The following PLAAT3 variants were observed in gnomAD, a reference collection of about 807,000 sequenced individuals.
PLAAT3 encodes the protein Ca-independent phospholipase A1/2.
Under a neutral mutation model 16.7 loss-of-function variants are expected in PLAAT3, and 21 were observed. The observed-to-expected ratio is 1.26, with a 90% CI of 0.89 to 1.81. PLAAT3 has a LOEUF of 1.81. PLAAT3 is among the 40% of genes most tolerant of loss of function. The probability of loss-of-function intolerance (pLI) is 0.00; values close to 1 mark genes in which losing one functional copy is unlikely to be tolerated. For missense variants in PLAAT3, 219 were observed against 213.7 expected, an observed-to-expected ratio of 1.02 and a Z score of -0.16; for synonymous variants, 76 against 81.7, an observed-to-expected ratio of 0.93 and a Z score of 0.38.
intron 2 of PLAAT3, among the ~76,000 whole-genome samples, chr11:63,606,800 A>G (rs1382359939): frequency 2.0e-5 from 3 of 152,194 alleles, no homozygotes; most frequent in Non-Finnish European, 4.4e-5. Flanking sequence ...GCGGGGGTAG[A>G]ACGGAGGGTC....
At chr11:63,587,584 TCA>T (rs1417755453) in intron 4 of PLAAT3, among the ~76,000 whole-genome samples, 1 of 149,746 alleles carries the variant, frequency 6.7e-6, no homozygotes, top group Non-Finnish European at 1.5e-5. Flanking sequence ...TGACCAAGTC[TCA>T]CTCTGTCACC....
At chr11:63,581,857 A>G (rs1937826610) in intron 4 of PLAAT3, among the ~76,000 whole-genome samples, 1 of 152,208 alleles carries the variant, frequency 6.6e-6, no homozygotes, top group African/African-American at 2.4e-5. Context: ...ATAGAAAAGA[A>G]CCTATGTTGA....
intron 3 of PLAAT3, among the ~76,000 whole-genome samples, chr11:63,594,848 T>G (rs1390234690): frequency 1.5e-4 from 14 of 91,684 alleles, no homozygotes; most frequent in Admixed American, 3.2e-4. Context: ...CAGAAGGAGG[T>G]GGGGAATTTG....
At chr11:63,587,146 G>A (rs1429682998) in intron 4 of PLAAT3, among the ~76,000 whole-genome samples, 2 of 152,154 alleles carry the variant, frequency 1.3e-5, no homozygotes, top group Non-Finnish European at 2.9e-5. Flanking sequence ...CAGCAAAGCA[G>A]TCTAGGGATC....
chr11:63,588,538 T>A (rs953206177), intron 4 of PLAAT3, among the ~76,000 whole-genome samples: 3 of 152,208 alleles, frequency 2.0e-5, no homozygotes, highest in African/African-American at 4.8e-5. Context: ...GTTCTTCTCA[T>A]GGCCCTGCCC....
intron 3 of PLAAT3, among the ~76,000 whole-genome samples, chr11:63,596,990 G>A (rs1190023693): frequency 6.6e-6 from 1 of 151,884 alleles, no homozygotes; most frequent in Non-Finnish European, 1.5e-5. Flanking sequence ...CAGCTACTCG[G>A]GAGGCTGAAA....
intron 2 of PLAAT3, among the ~76,000 whole-genome samples, chr11:63,600,941 A>G (rs1938411747): frequency 6.6e-6 from 1 of 151,794 alleles, no homozygotes; most frequent in Non-Finnish European, 1.5e-5. Context: ...CCATTCTGCA[A>G]TTACATGTGT....
At chr11:63,606,462 A>ACACACACACC (rs945885416) in intron 2 of PLAAT3, among the ~76,000 whole-genome samples, 8 of 136,566 alleles carry the variant, frequency 5.9e-5, no homozygotes, top group African/African-American at 1.5e-4. Flanking sequence ...ACACACACAC[A>ACACACACACC]CCTTAGTAAA....
At position 63,598,089 on chromosome 11, in the gene PLAAT3, A is replaced by G. The variant is rs746491288; in HGVS notation, c.90T>C (p.Asp30=). The G allele has an allele frequency of 1.9e-6, 3 of 1,613,442 alleles. No homozygotes were observed. The highest frequency in any genetic ancestry group is 2.2e-5 in the South Asian group (2 of 91,062). ...GAGGGGCCAGATGAACCACATATCC[A>G]TCGCCAACATAGATGGCCCAGTGTC... The part of the protein sequence containing the change: ...FYRHWAIYVG[D]GYVVHLAPPS... The change falls in exon 3 of 5, where the codon GAT becomes GAC. Residue 30 remains aspartate (D), a synonymous_variant. Coordinates refer to ENST00000415826, the MANE Select transcript of PLAAT3 (RefSeq NM_001128203.2).
chr11:63,604,978 C>T (rs1938519952), intron 2 of PLAAT3, among the ~76,000 whole-genome samples: 1 of 152,154 alleles, frequency 6.6e-6, no homozygotes, highest in Admixed American at 6.6e-5. Context: ...TGGGGCTAAG[C>T]GTGGTTTTTG....
chr11:63,581,839 T>TA (rs1937825823), intron 4 of PLAAT3, among the ~76,000 whole-genome samples: 1 of 152,196 alleles, frequency 6.6e-6, no homozygotes, highest in Non-Finnish European at 1.5e-5. Context: ...GGCCAACACT[T>TA]ACGGAAAATA....
intron 2 of PLAAT3, among the ~76,000 whole-genome samples, chr11:63,604,329 A>G (rs1013239770): frequency 1.3e-5 from 2 of 152,148 alleles, no homozygotes; most frequent in African/African-American, 4.8e-5. Context: ...TACTTTGACA[A>G]TAAAAATGTT....
At chr11:63,593,083 T>G (rs904776460) in intron 3 of PLAAT3, among the ~76,000 whole-genome samples, 9 of 152,132 alleles carry the variant, frequency 5.9e-5, no homozygotes, top group Admixed American at 5.2e-4. Context: ...GTGCAGCCAA[T>G]CAATACTGAG....
intron 2 of PLAAT3, 102 bp downstream of exon 2, chr11:63,613,898 G>C: frequency 1.3e-6 from 1 of 744,500 alleles, no homozygotes; most frequent in Non-Finnish European, 2.3e-6. Context: ...CCACATCCTC[G>C]AGGCTCCTCT....
intron 3 of PLAAT3, among the ~76,000 whole-genome samples, chr11:63,593,726 C>T (rs550329687): frequency 8.5e-5 from 13 of 152,120 alleles, no homozygotes; most frequent in Admixed American, 2.0e-4. Context: ...ACTACAGTGG[C>T]GCGTCACCAT....
At chr11:63,615,068 G>GTGTA (rs1207959629), upstream of PLAAT3, among the ~76,000 whole-genome samples, 1 of 30,266 alleles carries the variant, frequency 3.3e-5, no homozygotes, top group African/African-American at 6.5e-5. Flanking sequence ...ATATATGTGT[G>GTGTA]TATATATGTG....
At chr11:63,598,223 C>T in intron 2 of PLAAT3, 60 bp from the exon 3 acceptor site, 1 of 1,175,910 alleles carries the variant, frequency 8.5e-7, no homozygotes, top group Non-Finnish European at 1.3e-6. Context: ...CAGGACAGGG[C>T]TCAGTGAGGA....
At chr11:63,615,226 A>ATG (rs60258582), upstream of PLAAT3, among the ~76,000 whole-genome samples, 5,668 of 45,152 alleles carry the variant, frequency 0.13, 1,810 homozygotes, top group African/African-American at 0.3. Context: ...ATGTGTATAT[A>ATG]TGTGTATATA....
intron 3 of PLAAT3, among the ~76,000 whole-genome samples, chr11:63,593,247 A>G (rs1938195791): frequency 6.6e-6 from 1 of 152,248 alleles, no homozygotes; most frequent in Non-Finnish European, 1.5e-5. Flanking sequence ...AACAGACACT[A>G]TGGAAAGACA....
Sources: gnomAD v4.1 joint callset for allele counts (sites outside exome capture counted in the v4.1 genomes callset) on GRCh38, gnomAD v4.1.1 for gene constraint, MANE v1.5 for transcripts, NCBI Gene and HGNC (gene_info 2026-07-23, HGNC 2026-07-21) for gene names.